ITPR1: variants seen among roughly 807,000 people sequenced by gnomAD.
ITPR1 encodes the protein inositol 1,4,5-trisphosphate-gated calcium channel ITPR1.
A neutral mutation model predicts 318.4 loss-of-function variants in ITPR1; 96 were observed. The ratio of observed to expected loss-of-function variants is 0.30; its 90% confidence interval spans 0.26 to 0.36. ITPR1 has a LOEUF of 0.36. Ranked by LOEUF, ITPR1 falls within the 10% of genes least tolerant of loss-of-function variation. The pLI is 1.00. For missense variants in ITPR1, 2,440 were observed against 3,460.2 expected (o/e 0.71, Z 7.40); for synonymous variants, 1,312 against 1,289.9 (o/e 1.02, Z -0.37).
chr3:4,751,433 G>A (rs532654414), intron 44 of ITPR1: 3 of 152,348 alleles, frequency 2.0e-5, no homozygotes, highest in Non-Finnish European at 2.9e-5. Flanking sequence ...AGATGGCTCT[G>A]TGTTGTCCAT....
intron 4 of ITPR1, among the ~76,000 whole-genome samples, chr3:4,623,990 G>A (rs1436411054): frequency 3.3e-5 from 5 of 152,164 alleles, no homozygotes; most frequent in African/African-American, 7.2e-5. Context: ...TAAAGTTATC[G>A]GAAGTTTTGA....
chr3:4,834,051 C>T (rs552790265), intron 60 of ITPR1, among the ~76,000 whole-genome samples: 27 of 152,112 alleles, frequency 1.8e-4, no homozygotes, highest in Admixed American at 5.9e-4. Flanking sequence ...ACCACCACAC[C>T]GAGCTAATTA....
chr3:4,838,031 G>A (rs1041477903), intron 61 of ITPR1, among the ~76,000 whole-genome samples: 5 of 152,108 alleles, frequency 3.3e-5, no homozygotes, highest in African/African-American at 9.7e-5. Flanking sequence ...AATGAAGACC[G>A]CATCTAGAAT....
rs1433255201 is a variant in ITPR1, at chr3:4,685,143, T to G, written c.3639T>G (p.Arg1213=). 6.2e-7 allele frequency: 1 copy of G among 1,610,398 alleles called. No individual in the cohort carries two copies. Among genetic ancestry groups the G allele is most frequent in the Admixed American group, 1.7e-5 (1 of 59,758 alleles). ...SVRKSRKQQQ[R]LLRNMGAHAV... is the part of the protein sequence containing the mutation. ...GAAAGAGCAGGAAGCAGCAACAGCG[T>G]CTGCTCCGGAACATGGGCGCGCACG... The change falls in exon 30 of 62, where the codon CGT becomes CGG. Residue 1213 remains arginine (R), a synonymous_variant. Coordinates refer to ENST00000649015, the MANE Select transcript of ITPR1 (RefSeq NM_001378452.1).
At chr3:4,520,902 G>A in intron 3 of ITPR1, 122 bp from the exon 4 acceptor site, 1 of 742,082 alleles carries the variant, frequency 1.3e-6, no homozygotes, top group South Asian at 1.5e-5. Context: ...AAGAGTTCCT[G>A]GCAGGAGAAT....
intron 4 of ITPR1, among the ~76,000 whole-genome samples, chr3:4,522,539 AAG>A (rs1373864411): frequency 6.6e-6 from 1 of 152,198 alleles, no homozygotes; most frequent in African/African-American, 2.4e-5. Flanking sequence ...GAGGCTGTTA[AAG>A]AGAGAGAATA....
chr3:4,554,404 C>G (rs2085905302), intron 4 of ITPR1, among the ~76,000 whole-genome samples: 1 of 152,186 alleles, frequency 6.6e-6, no homozygotes, highest in Admixed American at 6.5e-5. Context: ...GAAGATTAGT[C>G]TGGTAATTAC....
intron 46 of ITPR1, among the ~76,000 whole-genome samples, chr3:4,773,936 T>A (rs185442856): frequency 1.1e-4 from 17 of 152,384 alleles, no homozygotes; most frequent in African/African-American, 1.9e-4. Flanking sequence ...CTGAACTTGG[T>A]TACCAGCTCT....
intron 37 of ITPR1, among the ~76,000 whole-genome samples, chr3:4,707,613 C>T (rs1450967060): frequency 1.3e-5 from 2 of 152,144 alleles, no homozygotes; most frequent in Non-Finnish European, 2.9e-5. Context: ...TCTAGACCAT[C>T]ATTCAGTGAA....
chr3:4,717,506 CTGGCTTTGTG>C (rs1309567826), intron 40 of ITPR1, 107 bp downstream of exon 40: 1 of 932,862 alleles, frequency 1.1e-6, no homozygotes, highest in East Asian at 2.4e-5. Context: ...CGTCGAGTAT[CTGGCTTTGTG>C]TGGTGTGCCC....
At chr3:4,732,710 A>T (rs1396523044) in intron 42 of ITPR1, among the ~76,000 whole-genome samples, 3 of 152,178 alleles carry the variant, frequency 2.0e-5, no homozygotes, top group Admixed American at 6.5e-5. Flanking sequence ...CTTGTGGTTG[A>T]AATAACATTT....
rs17041233 is a variant in ITPR1 at position 4,703,151 on chromosome 3, G to A, written c.4657+201G>A. 0.04 allele frequency among the ~76,000 whole-genome samples: 6,014 copies of A among 152,208 alleles called. 380 individuals carry two copies. Among genetic ancestry groups the A allele is most frequent in the African/African-American group, 0.13 (5,578 of 41,484 alleles). On this transcript the variant is annotated intron_variant, in intron 36 of 61. Coordinates refer to ENST00000649015, the MANE Select transcript of ITPR1 (RefSeq NM_001378452.1). ...CAAGCCAGCATTTCCCAAGGGAAGAGCCAGTGAGTCCTAAGTCAGATAGGC... is the reference window on the plus strand; with the variant it reads ...CAAGCCAGCATTTCCCAAGGGAAGAACCAGTGAGTCCTAAGTCAGATAGGC...
intron 4 of ITPR1, among the ~76,000 whole-genome samples, chr3:4,528,930 G>T (rs1415767704): frequency 6.6e-6 from 1 of 152,200 alleles, no homozygotes; most frequent in South Asian, 2.1e-4. Flanking sequence ...GAACAAAACT[G>T]TAATTTAAGT....
chr3:4,766,698 T>A lies in ITPR1; in HGVS notation c.5713T>A (p.Ser1905Thr). Residue 1905 changes from serine to threonine, a missense_variant, in exon 45 of 62, where the codon TCA becomes ACA. By Grantham distance (58) the Ser-to-Thr change is moderately conservative (BLOSUM62 1). Transcript: ENST00000649015. ...KDDEVDRDAPSRKKAKEPTTQ... is the reference protein window; with the variant it reads ...KDDEVDRDAPTRKKAKEPTTQ... ...CGATGAGGTAGACAGGGATGCCCCA[T>A]CACGGAAAAAAGGTAAATGTTCCTC... The A allele has an allele frequency of 6.3e-7, 1 of 1,595,834 alleles. No individual in the cohort carries two copies. Among genetic ancestry groups the A allele is most frequent in the Admixed American group, 1.8e-5 (1 of 56,672 alleles).
At chr3:4,831,084 C>T (rs1410568713) in intron 60 of ITPR1, 1 of 454,358 alleles carries the variant, frequency 2.2e-6, no homozygotes, top group Non-Finnish European at 4.4e-6. Flanking sequence ...AATCCAACTT[C>T]CTCCTCCGTC....
chr3:4,728,817 C>A (rs994171175), intron 42 of ITPR1, among the ~76,000 whole-genome samples: 1 of 152,188 alleles, frequency 6.6e-6, no homozygotes, highest in Non-Finnish European at 1.5e-5. Context: ...AGGCCCCTGC[C>A]CAGTCCCACT....
At chr3:4,698,178 T>C (rs1460726828) in intron 34 of ITPR1, among the ~76,000 whole-genome samples, 1 of 152,184 alleles carries the variant, frequency 6.6e-6, no homozygotes, top group East Asian at 1.9e-4. Context: ...AAAAGATTCT[T>C]TAGAAGATAA....
intron 15 of ITPR1, among the ~76,000 whole-genome samples, chr3:4,662,458 C>G (rs1021807585): frequency 2.6e-5 from 4 of 152,268 alleles, no homozygotes; most frequent in Middle Eastern, 6.8e-3. Flanking sequence ...TGTAGTGGCT[C>G]ACACCTGTAA....
At position 4,540,705 on chromosome 3, in the gene ITPR1, G is replaced by A. The variant is rs150409431; in HGVS notation, c.163+19611G>A. ...TGGGTTCAAGTGGTTCTCCCCCTGA[G>A]TAGCTGGGATTACAGGCATGCCACC... On this transcript the variant is annotated intron_variant, in intron 4 of 61. Transcript: ENST00000649015. Among the ~76,000 whole-genome samples, 124 of 152,190 alleles carry A rather than the reference G, an allele frequency of 8.1e-4. 1 individual carries two copies. The highest frequency in any genetic ancestry group is 8.1e-3 in the East Asian group (42 of 5,174).
Sources: gnomAD v4.1 joint callset for allele counts (sites outside exome capture counted in the v4.1 genomes callset) on GRCh38, gnomAD v4.1.1 for gene constraint, MANE v1.5 for transcripts, NCBI Gene and HGNC (gene_info 2026-07-23, HGNC 2026-07-21) for gene names.